Variants in TMEM106B observed in about 807,000 individuals in gnomAD.
The protein encoded by TMEM106B is transmembrane protein 106B.
In TMEM106B, 15 loss-of-function variants were observed where a neutral mutation model predicts 31.1. The ratio of observed to expected loss-of-function variants is 0.48; its 90% CI spans 0.32 to 0.74. TMEM106B has a LOEUF of 0.74. Among genes scored for constraint, TMEM106B ranks in the 30% least tolerant of loss-of-function variants. TMEM106B has a pLI of 0.03. For synonymous variants in TMEM106B, 126 were observed against 112.5 expected (o/e 1.12, Z -0.76); for missense variants, 283 against 327.3 (o/e 0.86, Z 1.04).
chr7:12,211,357 C>A lies in TMEM106B; in HGVS notation c.-71C>A, dbSNP rs1035171063. On this transcript the variant is annotated 5_prime_UTR_variant, in exon 1 of 8. Coordinates refer to ENST00000396668, the MANE Select transcript of TMEM106B (RefSeq NM_001134232.2). ...ACCCCCCGGCTCCCGGGACTGTGGA[C>A]TCCACGACCCTGTCCTCGGCCCTGT... 1 of 152,352 alleles carries A rather than the reference C, an allele frequency of 6.6e-6. No homozygotes were observed. The highest frequency in any genetic ancestry group is 2.4e-5 in the African/African-American group (1 of 41,472). The allele number at this position is 152,352 out of a possible 1,614,324, so 9.4% of individuals were successfully genotyped here.
chr7:12,220,288 T>G (rs1004333437), intron 3 of TMEM106B, among the ~76,000 whole-genome samples: 2 of 152,168 alleles, frequency 1.3e-5, no homozygotes, highest in Non-Finnish European at 2.9e-5. Flanking sequence ...GCAGAAAAGA[T>G]AAATTTGACA....
At chr7:12,217,132 G>C (rs961016014) in intron 2 of TMEM106B, among the ~76,000 whole-genome samples, 1 of 152,100 alleles carries the variant, frequency 6.6e-6, no homozygotes, top group African/African-American at 2.4e-5. Context: ...AGAATTATTG[G>C]AGCAATGTTC....
At chr7:12,218,034 T>C (rs1781721655) in intron 2 of TMEM106B, among the ~76,000 whole-genome samples, 1 of 152,000 alleles carries the variant, frequency 6.6e-6, no homozygotes. Flanking sequence ...GGGGACAATG[T>C]CAGAAGCTCT....
intron 4 of TMEM106B, among the ~76,000 whole-genome samples, chr7:12,226,780 A>G (rs758891927): frequency 2.0e-5 from 3 of 152,162 alleles, no homozygotes; most frequent in Non-Finnish European, 4.4e-5. Flanking sequence ...AAAAACAACA[A>G]TATAGGAAAA....
Position 12,213,784 on chromosome 7 carries a change from C to T in TMEM106B, c.-2-1025C>T, listed in dbSNP as rs115757987. ...GGTATAATCCAAAAGGTAGTTTGAA[C>T]ATTCTCTTAATGTTTGTTCTGTAAA... On this transcript the variant is annotated intron_variant, in intron 1 of 7. Coordinates refer to ENST00000396668, the MANE Select transcript of TMEM106B (RefSeq NM_001134232.2). 7.1e-3 allele frequency among the ~76,000 whole-genome samples: 1,074 copies of T among 152,278 alleles called. 23 individuals carry two copies. Among genetic ancestry groups the T allele is most frequent in the African/African-American group, 0.025 (1,043 of 41,560 alleles).
intron 3 of TMEM106B, among the ~76,000 whole-genome samples, chr7:12,220,697 A>C (rs977867282): frequency 6.6e-6 from 1 of 152,192 alleles, no homozygotes; most frequent in Non-Finnish European, 1.5e-5. Context: ...TTATTTGCCA[A>C]ATTACATCTG....
rs2128529272 is a variant in TMEM106B at position 12,236,805 on chromosome 7, G to T, written c.*4830G>T. On this transcript the variant is annotated 3_prime_UTR_variant, in exon 8 of 8. Transcript: ENST00000396668. ...GATTTTTATTATATAATGGTTTTAG[G>T]CATAAATTATTAACAAGCCATGCCT... 6.6e-6 allele frequency: 1 copy of T among 151,944 alleles called. No homozygotes were observed. Among genetic ancestry groups the T allele is most frequent in the East Asian group, 1.9e-4 (1 of 5,182 alleles). The allele number at this position is 151,944 out of a possible 1,614,324, so 9.4% of individuals were successfully genotyped here. A position where few individuals can be genotyped will look rare whatever the true frequency, so the allele number is the denominator to read the frequency against.
chr7:12,233,980 C>T lies in TMEM106B; in HGVS notation c.*2005C>T, dbSNP rs1446379330. ...TTTACTAAAATGTGTAAATTTTACA[C>T]ATTTAGTGACTGTGTAAAATAAAAA... On this transcript the variant is annotated 3_prime_UTR_variant, in exon 8 of 8. Transcript: ENST00000396668. 6.6e-6 allele frequency: 1 copy of T among 151,496 alleles called. No individual in the cohort carries two copies. Among genetic ancestry groups the T allele is most frequent in the Non-Finnish European group, 1.5e-5 (1 of 67,706 alleles). 9.4% of individuals were successfully genotyped at this position (151,496 alleles called of 1,614,324 possible).
intron 6 of TMEM106B, chr7:12,230,774 AG>A (rs2128527659): frequency 3.0e-6 from 1 of 329,754 alleles, no homozygotes; most frequent in East Asian, 5.5e-5. Context: ...ACAGACTTTT[AG>A]GGTAAATAAC....
intron 2 of TMEM106B, among the ~76,000 whole-genome samples, chr7:12,217,055 A>C (rs1156267652): frequency 1.3e-5 from 2 of 152,066 alleles, no homozygotes; most frequent in Admixed American, 1.3e-4. Context: ...AGATAGAGTG[A>C]ATAATAGACA....
At position 12,224,210 on chromosome 7, in the gene TMEM106B, C is replaced by G. The variant is rs367588483; in HGVS notation, c.282-16C>G. The stretch of plus-strand genomic sequence containing the variant: ...TCTGATGCACATGTACTTAAATACC[C>G]TCTTTTCCTTTTCAGAAAGCTGTAT... On this transcript the variant is annotated splice_polypyrimidine_tract_variant and intron_variant, in intron 3 of 7. Coordinates refer to ENST00000396668, the MANE Select transcript of TMEM106B (RefSeq NM_001134232.2). 9.3e-6 allele frequency: 15 copies of G among 1,606,450 alleles called. No individual in the cohort carries two copies. The African/African-American group carries it at 1.5e-4, about 16-fold the overall frequency.
intron 3 of TMEM106B, among the ~76,000 whole-genome samples, chr7:12,219,597 A>T (rs539669418): frequency 1.3e-5 from 2 of 152,208 alleles, no homozygotes; most frequent in African/African-American, 4.8e-5. Context: ...ACAGGACAGC[A>T]TAAGGCAGAA....
At chr7:12,230,628 ATTTG>A in intron 6 of TMEM106B, 190 bp downstream of exon 6, 1 of 421,054 alleles carries the variant, frequency 2.4e-6, no homozygotes, top group Non-Finnish European at 4.1e-6. Flanking sequence ...TACACATAAA[ATTTG>A]TTTTTTTATT....
chr7:12,220,584 C>T (rs1781768450), intron 3 of TMEM106B, among the ~76,000 whole-genome samples: 3 of 152,160 alleles, frequency 2.0e-5, no homozygotes. Context: ...GATGCCATTT[C>T]TATCACAGTG....
intron 3 of TMEM106B, among the ~76,000 whole-genome samples, chr7:12,222,729 C>G (rs1318572057): frequency 6.6e-6 from 1 of 152,170 alleles, no homozygotes; most frequent in East Asian, 1.9e-4. Context: ...GTTTTGATTG[C>G]TCAAGACAAC....
chr7:12,211,806 A>C (rs558055815), intron 1 of TMEM106B, among the ~76,000 whole-genome samples: 7 of 152,330 alleles, frequency 4.6e-5, no homozygotes, highest in Non-Finnish European at 7.3e-5. Context: ...TTGTTTCCTT[A>C]GTTCTCAAGC....
chr7:12,229,664 G>A lies in TMEM106B; in HGVS notation c.442-15G>A, dbSNP rs1283342778. 6.6e-7 allele frequency: 1 copy of A among 1,521,830 alleles called. No homozygotes were observed. Among genetic ancestry groups the A allele is most frequent in the Admixed American group, 2.2e-5 (1 of 44,748 alleles). The allele number at this position is 1,521,830 out of a possible 1,614,324, so 94.3% of individuals were successfully genotyped here. A position where few individuals can be genotyped will look rare whatever the true frequency, so the allele number is the denominator to read the frequency against. Reference sequence around the variant, plus strand: ...TTTAGCTAACTTGTAAATTTTCTGTGTCCTTTTTTTGTAGAACACACTAAA... The same window carrying A: ...TTTAGCTAACTTGTAAATTTTCTGTATCCTTTTTTTGTAGAACACACTAAA... On this transcript the variant is annotated splice_polypyrimidine_tract_variant and intron_variant, in intron 4 of 7. Transcript: ENST00000396668.
intron 2 of TMEM106B, 41 bp from the exon 3 acceptor site, chr7:12,218,417 C>G (rs769261658): frequency 1.3e-6 from 2 of 1,544,798 alleles, no homozygotes; most frequent in African/African-American, 2.7e-5. Flanking sequence ...ATATTTTTAA[C>G]TAATCATAGT....
intron 3 of TMEM106B, among the ~76,000 whole-genome samples, chr7:12,219,006 A>C (rs966799117): frequency 1.3e-5 from 2 of 149,428 alleles, no homozygotes; most frequent in African/African-American, 5.0e-5. Context: ...ATTTCCAAGA[A>C]TAATCTGTAA....
Sources: gnomAD v4.1 joint callset for allele counts (sites outside exome capture counted in the v4.1 genomes callset) on GRCh38, gnomAD v4.1.1 for gene constraint, MANE v1.5 for transcripts, NCBI Gene and HGNC (gene_info 2026-07-23, HGNC 2026-07-21) for gene names.